The following FERMT2 variants were observed in gnomAD, a reference collection of about 807,000 sequenced individuals.
FERMT2 encodes FERM domain containing kindlin 2.
In FERMT2, 15 loss-of-function variants were observed where a neutral mutation model predicts 82.7. The observed-to-expected ratio is 0.18, with a 90% confidence interval of 0.12 to 0.28. The LOEUF is 0.28. Among genes scored for constraint, FERMT2 ranks in the 10% least tolerant of loss-of-function variants. FERMT2 has a pLI of 1.00. For synonymous variants in FERMT2, 274 were observed against 271.5 expected (o/e 1.01, Z -0.09); for missense variants, 645 against 809.4 (o/e 0.80, Z 2.46).
chr14:52,936,541 A>C (rs1423584463), intron 2 of FERMT2, among the ~76,000 whole-genome samples: 3 of 152,180 alleles, frequency 2.0e-5, no homozygotes, highest in Non-Finnish European at 2.9e-5. Flanking sequence ...CCTCACGTCA[A>C]GCCACTGGTT....
intron 4 of FERMT2, among the ~76,000 whole-genome samples, chr14:52,891,912 G>A (rs1886953829): frequency 6.6e-6 from 1 of 152,132 alleles, no homozygotes; most frequent in African/African-American, 2.4e-5. Flanking sequence ...CATATGCTGA[G>A]TTAGGTTCTG....
At chr14:52,884,354 C>A (rs1886465537) in intron 4 of FERMT2, among the ~76,000 whole-genome samples, 1 of 152,204 alleles carries the variant, frequency 6.6e-6, no homozygotes. Context: ...GTAATCCCAG[C>A]ACTTTGGGAA....
At chr14:52,927,128 A>G (rs951401131) in intron 2 of FERMT2, among the ~76,000 whole-genome samples, 1 of 152,180 alleles carries the variant, frequency 6.6e-6, no homozygotes, top group Non-Finnish European at 1.5e-5. Flanking sequence ...AAGTGGTCGT[A>G]CACTTGCTTT....
At chr14:52,870,642 T>A (rs1388443324) in intron 10 of FERMT2, among the ~76,000 whole-genome samples, 2 of 152,230 alleles carry the variant, frequency 1.3e-5, no homozygotes, top group Non-Finnish European at 2.9e-5. Context: ...TAAAATGCTG[T>A]ACAGGTTTGT....
chr14:52,881,334 A>C lies in FERMT2; in HGVS notation c.662T>G (p.Leu221Arg). 1 of 1,614,094 alleles carries C rather than the reference A, an allele frequency of 6.2e-7. No individual in the cohort carries two copies. Among genetic ancestry groups the C allele is most frequent in the Non-Finnish European group, 8.5e-7 (1 of 1,180,016 alleles). ...TGACGTGATTGGTTGACTGACAGCA[A>C]GTATACCAGGATTGCCTTCTGACAA... Reference protein sequence around the residue: ...SALSEGNPGILAVSQPITSPE... With the variant: ...SALSEGNPGIRAVSQPITSPE... The change falls in exon 5 of 15, where the codon CTT (leucine) becomes CGT (arginine). Residue 221 changes from leucine (L) to arginine (R), a missense_variant. Transcript: ENST00000341590.
At chr14:52,895,182 G>A (rs1887188975) in intron 3 of FERMT2, among the ~76,000 whole-genome samples, 1 of 152,172 alleles carries the variant, frequency 6.6e-6, no homozygotes. Flanking sequence ...ATACATCAAA[G>A]AGGCCAGCAT....
At chr14:52,936,866 G>A (rs1442103274) in intron 2 of FERMT2, among the ~76,000 whole-genome samples, 1 of 152,086 alleles carries the variant, frequency 6.6e-6, no homozygotes, top group Non-Finnish European at 1.5e-5. Context: ...TTTAAGGATT[G>A]TCTTTAGGTC....
Position 52,858,284 on chromosome 14 carries a change from T to C in FERMT2, c.*93A>G. 8.7e-7 allele frequency: 1 copy of C among 1,143,966 alleles called. No individual in the cohort carries two copies. The highest frequency in any genetic ancestry group is 1.3e-6 in the Non-Finnish European group (1 of 787,114). 70.9% of individuals were successfully genotyped at this position (1,143,966 alleles called of 1,614,324 possible). Reference sequence around the variant, plus strand: ...GAAGTTTTCATGATAAAATGATAAATTTCAAGCTTACTTTATTAAGCAGCA... The same window carrying C: ...GAAGTTTTCATGATAAAATGATAAACTTCAAGCTTACTTTATTAAGCAGCA... On this transcript the variant is annotated 3_prime_UTR_variant, in exon 15 of 15. Coordinates refer to ENST00000341590, the MANE Select transcript of FERMT2 (RefSeq NM_006832.3).
intron 2 of FERMT2, among the ~76,000 whole-genome samples, chr14:52,941,558 T>A (rs927695434): frequency 6.6e-6 from 1 of 152,190 alleles, no homozygotes; most frequent in African/African-American, 2.4e-5. Flanking sequence ...AAGTCACACT[T>A]CTTAATTACA....
At position 52,881,005 on chromosome 14, in the gene FERMT2, A is replaced by G. The variant is rs1172764687; in HGVS notation, c.855+31T>C. ...TGTGAACAAAACAAATTAATGGGGA[A>G]AAAAAAAAGATCCCTTTAAACCCTC... On this transcript the variant is annotated intron_variant, in intron 6 of 14. Transcript: ENST00000341590. 6.4e-6 allele frequency: 9 copies of G among 1,401,412 alleles called. No homozygotes were observed. In the South Asian group the frequency reaches 1.1e-4, roughly 18 times the overall value. 86.8% of individuals were successfully genotyped at this position (1,401,412 alleles called of 1,614,324 possible).
In FERMT2 at chr14:52,868,780, T is replaced by G. The variant is rs375988956; in HGVS notation, c.1274-3927A>C. On this transcript the variant is annotated intron_variant, in intron 10 of 14. Coordinates refer to ENST00000341590, the MANE Select transcript of FERMT2 (RefSeq NM_006832.3). ...TGGAAGGATCGCTTGACCCCAAGAG[T>G]TGGAGATAAGCGTGTACAACATAGT... is the stretch of plus-strand genomic sequence containing the variant. Among the ~76,000 whole-genome samples, 18 of 151,974 alleles carry G rather than the reference T, an allele frequency of 1.2e-4. 1 individual carries two copies. The highest frequency in any genetic ancestry group is 8.3e-4 in the South Asian group (4 of 4,798).
intron 2 of FERMT2, among the ~76,000 whole-genome samples, chr14:52,935,630 C>G (rs915147738): frequency 5.9e-5 from 9 of 152,246 alleles, no homozygotes; most frequent in Non-Finnish European, 1.3e-4. Context: ...CTGGCAGCCT[C>G]CAGAACTGTG....
intron 7 of FERMT2, 86 bp downstream of exon 7, chr14:52,878,496 C>T (rs1886101697): frequency 1.2e-6 from 1 of 812,438 alleles, no homozygotes; most frequent in Admixed American, 2.5e-5. Flanking sequence ...TGAAATGTTA[C>T]TGGAATTACT....
chr14:52,940,594 T>A (rs780044525), intron 2 of FERMT2, among the ~76,000 whole-genome samples: 3 of 152,154 alleles, frequency 2.0e-5, no homozygotes, highest in Non-Finnish European at 1.5e-5. Context: ...TACTTTAGAG[T>A]TACCACATTT....
At chr14:52,923,075 A>C (rs1194193047) in intron 2 of FERMT2, among the ~76,000 whole-genome samples, 1 of 152,178 alleles carries the variant, frequency 6.6e-6, no homozygotes, top group Non-Finnish European at 1.5e-5. Flanking sequence ...ATATTTGTGT[A>C]GCTAAGCATA....
intron 14 of FERMT2, 88 bp from the exon 15 acceptor site, chr14:52,858,638 A>C: frequency 8.3e-7 from 1 of 1,198,556 alleles, no homozygotes; most frequent in South Asian, 1.4e-5. Context: ...AAAGTCTGTC[A>C]TATCACAAAA....
chr14:52,875,455 A>C (rs1384533538), intron 7 of FERMT2, 98 bp from the exon 8 acceptor site: 1 of 874,872 alleles, frequency 1.1e-6, no homozygotes. Flanking sequence ...TTCAGGACCT[A>C]ATTTGAAAAG....
intron 2 of FERMT2, 46 bp downstream of exon 2, chr14:52,950,366 C>G: frequency 6.3e-7 from 1 of 1,590,666 alleles, no homozygotes. Flanking sequence ...CTCCCCCTAC[C>G]AATTCTGGGA....
intron 2 of FERMT2, among the ~76,000 whole-genome samples, chr14:52,936,408 A>G (rs1889837520): frequency 6.6e-6 from 1 of 152,188 alleles, no homozygotes; most frequent in Non-Finnish European, 1.5e-5. Context: ...TGAATTTCCA[A>G]TGTGTAAAAA....
Sources: allele counts gnomAD v4.1 joint callset (sites outside exome capture counted in the v4.1 genomes callset), GRCh38; gene constraint gnomAD v4.1.1; transcripts MANE v1.5; gene names NCBI Gene and HGNC (gene_info 2026-07-23, HGNC 2026-07-21).